The following SAXO1 variants were observed in gnomAD, a reference collection of about 807,000 sequenced individuals.
SAXO1 encodes the protein stabilizer of axonemal microtubules 1, also known as 4930500O09Rik.
A neutral mutation model predicts 17.5 loss-of-function variants in SAXO1; 21 were observed. That is an observed-to-expected ratio of 1.20 (90% CI 0.85 to 1.72). SAXO1 has a LOEUF of 1.72. Among genes scored for constraint, SAXO1 ranks in the 40% most tolerant of loss-of-function variants. The pLI, the probability that SAXO1 is intolerant of heterozygous loss-of-function variation, is 0.00. For synonymous variants in SAXO1, 274 were observed against 216.5 expected (o/e 1.27, Z -2.33); for missense variants, 843 against 596.0 (o/e 1.41, Z -4.32).
chr9:18,965,514 C>G (rs1832680356), intron 1 of SAXO1, among the ~76,000 whole-genome samples: 1 of 151,746 alleles, frequency 6.6e-6, no homozygotes, highest in Non-Finnish European at 1.5e-5. Context: ...ATGCCATTGT[C>G]TTATTTGATC....
At position 18,957,461 on chromosome 9, in the gene SAXO1, A is replaced by G. The variant is rs183390324; in HGVS notation, c.39-6524T>C. ...GGCCCAATCACCTCCCACATACCTG[A>G]CCTCCACTTACAATCCAATTTCAAA... On this transcript the variant is annotated intron_variant, in intron 1 of 3. Transcript: ENST00000380534. 1.1e-3 allele frequency among the ~76,000 whole-genome samples: 173 copies of G among 152,140 alleles called. 1 individual carries two copies. The highest frequency in any genetic ancestry group is 3.8e-3 in the African/African-American group (159 of 41,500).
chr9:18,993,978 T>A (rs1041317329), intron 1 of SAXO1, among the ~76,000 whole-genome samples: 3 of 152,158 alleles, frequency 2.0e-5, no homozygotes, highest in Non-Finnish European at 2.9e-5. Flanking sequence ...AAGGCGAACC[T>A]ACAAAATGAG....
intron 1 of SAXO1, among the ~76,000 whole-genome samples, chr9:19,028,916 T>A (rs752243057): frequency 3.3e-5 from 5 of 152,234 alleles, no homozygotes; most frequent in Admixed American, 6.5e-5. Flanking sequence ...TAATTGCTCA[T>A]TTTAGAAAAC....
intron 1 of SAXO1, among the ~76,000 whole-genome samples, chr9:19,031,931 G>A (rs1475495483): frequency 6.6e-6 from 1 of 152,166 alleles, no homozygotes; most frequent in Non-Finnish European, 1.5e-5. Flanking sequence ...TTATATGCAT[G>A]TGTCATATTT....
chr9:18,994,356 G>A (rs1041230680), intron 1 of SAXO1, among the ~76,000 whole-genome samples: 1 of 152,182 alleles, frequency 6.6e-6, no homozygotes, highest in Non-Finnish European at 1.5e-5. Context: ...GTTTTCTTAG[G>A]ATCTGTCCGG....
chr9:19,037,015 C>T (rs1835958678), upstream of SAXO1, among the ~76,000 whole-genome samples: 1 of 152,242 alleles, frequency 6.6e-6, no homozygotes, highest in South Asian at 2.1e-4. Flanking sequence ...GGATGTGAGA[C>T]ATGGAGTCAA....
At position 18,950,836 on chromosome 9, in the gene SAXO1, T is replaced by C; in HGVS notation, c.140A>G (p.Tyr47Cys). The change falls in exon 2 of 4, where the codon TAC becomes TGC. Residue 47 changes from tyrosine to cysteine, a missense_variant. Coordinates refer to ENST00000380534, the MANE Select transcript of SAXO1 (RefSeq NM_153707.4). ...TGGCTTGAAGGACTCTCTGGGCAGG[T>C]AGGAGTGATAGAAAGGGTAGTTCTC... ...YTENYPFYHS[Y>C]LPRESFKPRR... 3 of 1,613,802 alleles carry C rather than the reference T, an allele frequency of 1.9e-6. No individual in the cohort carries two copies. The highest frequency in any genetic ancestry group is 2.5e-6 in the Non-Finnish European group (3 of 1,179,778).
intron 1 of SAXO1, among the ~76,000 whole-genome samples, chr9:19,024,957 G>A (rs959619149): frequency 1.3e-5 from 2 of 152,100 alleles, no homozygotes; most frequent in Non-Finnish European, 2.9e-5. Context: ...CAGACTATAA[G>A]GTCGAATAGA....
chr9:19,009,515 T>C (rs1295744019), intron 1 of SAXO1, among the ~76,000 whole-genome samples: 2 of 152,214 alleles, frequency 1.3e-5, no homozygotes, highest in Non-Finnish European at 1.5e-5. Context: ...CAGATGCTTT[T>C]TGGGCTCTGG....
At chr9:19,026,222 A>G (rs1835465412) in intron 1 of SAXO1, among the ~76,000 whole-genome samples, 1 of 152,198 alleles carries the variant, frequency 6.6e-6, no homozygotes, top group Admixed American at 6.5e-5. Context: ...TACCCCAGAA[A>G]TATGTACAAT....
At chr9:18,982,622 G>A (rs1202139146) in intron 1 of SAXO1, among the ~76,000 whole-genome samples, 1 of 152,196 alleles carries the variant, frequency 6.6e-6, no homozygotes, top group Non-Finnish European at 1.5e-5. Context: ...TTGGGAGGGA[G>A]AGCAATAAGC....
intron 1 of SAXO1, among the ~76,000 whole-genome samples, chr9:19,011,849 AT>A (rs1211848537): frequency 0.018 from 2,586 of 144,682 alleles, 61 homozygotes; most frequent in African/African-American, 0.06. Flanking sequence ...TTAAGCATAG[AT>A]TTTTTTTTTT....
Position 18,927,984 on chromosome 9 carries a change from C to T in SAXO1, c.*68G>A. Reference sequence around the variant, plus strand: ...TCATTTTAGGGAATTCTTTTTTGTCCAACAAATAATTCTCAGTTGTCTGCT... The same window carrying T: ...TCATTTTAGGGAATTCTTTTTTGTCTAACAAATAATTCTCAGTTGTCTGCT... On this transcript the variant is annotated 3_prime_UTR_variant, in exon 4 of 4. Transcript: ENST00000380534. 2.3e-5 allele frequency: 33 copies of T among 1,419,120 alleles called. No homozygotes were observed. The highest frequency in any genetic ancestry group is 1.5e-4 in the South Asian group (8 of 54,288). 87.9% of individuals were successfully genotyped at this position (1,419,120 alleles called of 1,614,324 possible).
chr9:19,048,864 T>C (rs572546885), intron 1 of SAXO1, among the ~76,000 whole-genome samples: 1 of 152,334 alleles, frequency 6.6e-6, no homozygotes, highest in South Asian at 2.1e-4. Flanking sequence ...GAAAAGCAGA[T>C]GTGAGAAAGG....
At chr9:19,011,991 G>A (rs573063718) in intron 1 of SAXO1, among the ~76,000 whole-genome samples, 149 of 151,948 alleles carry the variant, frequency 9.8e-4, no homozygotes, top group African/African-American at 3.1e-3. Context: ...GACTACAGGC[G>A]CAGGTCACCA....
chr9:18,928,394 C>T lies in SAXO1; in HGVS notation c.1083G>A (p.Leu361=). 6.2e-7 allele frequency: 1 copy of T among 1,611,084 alleles called. No individual in the cohort carries two copies. Among genetic ancestry groups the T allele is most frequent in the Non-Finnish European group, 8.5e-7 (1 of 1,178,592 alleles). ...AGTCCAGGGGCTCGGTGGGCAAGTC[C>T]AGCTGGGGAACGGGCTTGACTGGCT... ...RTEPVKPVPQ[L]DLPTEPLDCL... Residue 361 remains leucine, a synonymous_variant, in exon 4 of 4, where the codon CTG becomes CTA. Transcript: ENST00000380534.
chr9:18,928,234 T>C lies in SAXO1; in HGVS notation c.1243A>G (p.Lys415Glu), dbSNP rs1292109403. The C allele has an allele frequency of 6.2e-7, 1 of 1,614,056 alleles. No homozygotes were observed. Among genetic ancestry groups the C allele is most frequent in the Non-Finnish European group, 8.5e-7 (1 of 1,179,974 alleles). ...QTTYTISFTP[K>E]EMGRCLASYP... ...GAAGCTAGGCACCTGCCCATTTCCT[T>C]GGGAGTAAAGCTGATGGTGTAGGTG... The change falls in exon 4 of 4, where the codon AAG (lysine) becomes GAG (glutamate). Residue 415 changes from lysine (K) to glutamate (E), a missense_variant. Physicochemically the swap from Lys to Glu is moderately conservative, Grantham distance 56. Transcript: ENST00000380534.
chr9:19,039,746 G>T (rs1045600485), intron 1 of SAXO1, among the ~76,000 whole-genome samples: 5 of 151,820 alleles, frequency 3.3e-5, no homozygotes, highest in African/African-American at 9.7e-5. Context: ...GCTTTTTTTT[G>T]AGATGAAGTC....
At chr9:18,941,865 T>C (rs747628385) in intron 2 of SAXO1, 26 bp from the exon 3 acceptor site, 1 of 1,610,416 alleles carries the variant, frequency 6.2e-7, no homozygotes, top group Non-Finnish European at 8.5e-7. Flanking sequence ...TGCATGCTGT[T>C]GGGGTCCTTG....
Sources: allele counts gnomAD v4.1 joint callset (sites outside exome capture counted in the v4.1 genomes callset), GRCh38; gene constraint gnomAD v4.1.1; transcripts MANE v1.5; gene names NCBI Gene and HGNC (gene_info 2026-07-23, HGNC 2026-07-21).